The following HHAT variants were observed in gnomAD, a reference collection of about 807,000 sequenced individuals.
HHAT encodes the protein protein-cysteine N-palmitoyltransferase HHAT.
A neutral mutation model predicts 70.8 loss-of-function variants in HHAT; 47 were observed. That is an observed-to-expected ratio of 0.66 (90% CI 0.53 to 0.85). The LOEUF (loss-of-function observed/expected upper bound fraction) is 0.85. Ranked by LOEUF, HHAT falls within the 40% of genes least tolerant of loss-of-function variation. HHAT has a pLI of 0.00. For missense variants in HHAT, 609 were observed against 604.8 expected, an observed-to-expected ratio of 1.01 and a Z score of -0.07; for synonymous variants, 228 against 247.6, an observed-to-expected ratio of 0.92 and a Z score of 0.74.
chr1:210,442,912 A>G (rs934198896), intron 7 of HHAT, among the ~76,000 whole-genome samples: 63 of 152,022 alleles, frequency 4.1e-4, no homozygotes, highest in African/African-American at 1.4e-3. Context: ...TGTTTTAGAC[A>G]TGAAGTCCTT....
At chr1:210,665,088 A>G (rs1489698276) in intron 11 of HHAT, among the ~76,000 whole-genome samples, 1 of 152,184 alleles carries the variant, frequency 6.6e-6, no homozygotes, top group Non-Finnish European at 1.5e-5. Context: ...TATCAGTTTC[A>G]TATTGGTCTT....
chr1:210,328,802 A>G, upstream of HHAT: 1 of 371,580 alleles, frequency 2.7e-6, no homozygotes. Context: ...CGGTTCAGAA[A>G]CGCAGGCCGC....
At chr1:210,643,889 A>G (rs1351119635) in intron 11 of HHAT, among the ~76,000 whole-genome samples, 1 of 139,298 alleles carries the variant, frequency 7.2e-6, no homozygotes, top group African/African-American at 2.6e-5. Context: ...AAGAATTAAG[A>G]TGTGATATTT....
intron 1 of HHAT, among the ~76,000 whole-genome samples, chr1:210,335,458 T>C (rs746425294): frequency 1.7e-4 from 26 of 152,104 alleles, no homozygotes; most frequent in Non-Finnish European, 3.4e-4. Flanking sequence ...TCTTCAAAAA[T>C]AGGTGATAAG....
intron 10 of HHAT, among the ~76,000 whole-genome samples, chr1:210,620,429 G>A (rs1326555811): frequency 8.5e-5 from 13 of 152,176 alleles, no homozygotes; most frequent in Admixed American, 8.5e-4. Flanking sequence ...CCCCTTTGCT[G>A]TTAGTTATTA....
intron 7 of HHAT, among the ~76,000 whole-genome samples, chr1:210,448,653 A>G (rs562877490): frequency 1.3e-5 from 2 of 152,306 alleles, no homozygotes; most frequent in East Asian, 3.9e-4. Flanking sequence ...TTCTCATCCC[A>G]GCTTTCATGA....
chr1:210,561,081 T>A (rs1178417817), intron 9 of HHAT, among the ~76,000 whole-genome samples: 1 of 152,106 alleles, frequency 6.6e-6, no homozygotes, highest in Non-Finnish European at 1.5e-5. Flanking sequence ...ACAGAATCCT[T>A]TGCCCCGTTC....
intron 9 of HHAT, among the ~76,000 whole-genome samples, chr1:210,569,814 C>T (rs115249410): frequency 6.6e-6 from 1 of 152,274 alleles, no homozygotes; most frequent in African/African-American, 2.4e-5. Flanking sequence ...TAGCTCCAGG[C>T]TGCATTTATT....
intron 9 of HHAT, among the ~76,000 whole-genome samples, chr1:210,548,660 G>A (rs2095503869): frequency 6.6e-6 from 1 of 152,176 alleles, no homozygotes; most frequent in African/African-American, 2.4e-5. Context: ...TTCATAATTT[G>A]ATTAGAACTT....
intron 11 of HHAT, among the ~76,000 whole-genome samples, chr1:210,629,600 G>T (rs1028165618): frequency 2.0e-5 from 3 of 152,198 alleles, no homozygotes; most frequent in Admixed American, 2.0e-4. Context: ...CAGTCTCACT[G>T]GGCTAAAGTC....
At chr1:210,344,859 C>G (rs1474435423) in intron 1 of HHAT, among the ~76,000 whole-genome samples, 1 of 151,754 alleles carries the variant, frequency 6.6e-6, no homozygotes, top group Non-Finnish European at 1.5e-5. Flanking sequence ...GTTGCCAGCC[C>G]GTTCACAAGA....
At chr1:210,334,580 A>G (rs567276355) in intron 1 of HHAT, among the ~76,000 whole-genome samples, 1 of 152,224 alleles carries the variant, frequency 6.6e-6, no homozygotes, top group Admixed American at 6.5e-5. Flanking sequence ...TGTTTATATA[A>G]TCTACCTGCC....
intron 10 of HHAT, among the ~76,000 whole-genome samples, chr1:210,599,809 C>T (rs1421153762): frequency 6.6e-6 from 1 of 152,100 alleles, no homozygotes; most frequent in Non-Finnish European, 1.5e-5. Context: ...CTTTTAAATC[C>T]TATAGTGACT....
chr1:210,624,695 C>T (rs145042484), intron 11 of HHAT, among the ~76,000 whole-genome samples: 56 of 152,272 alleles, frequency 3.7e-4, no homozygotes, highest in African/African-American at 1.3e-3. Context: ...AATAATTGAT[C>T]GTTGTTTATT....
chr1:210,332,661 C>A (rs947035200), intron 1 of HHAT, among the ~76,000 whole-genome samples: 1 of 152,132 alleles, frequency 6.6e-6, no homozygotes, highest in Non-Finnish European at 1.5e-5. Flanking sequence ...TGAAAAACTC[C>A]GAAGCCTTGT....
intron 9 of HHAT, among the ~76,000 whole-genome samples, chr1:210,544,592 C>T (rs1294377393): frequency 2.0e-5 from 3 of 151,956 alleles, no homozygotes; most frequent in African/African-American, 7.3e-5. Context: ...TGGCTGGTCT[C>T]GAACTCCTGA....
chr1:210,630,706 C>A (rs1191232844), intron 11 of HHAT, among the ~76,000 whole-genome samples: 1 of 152,176 alleles, frequency 6.6e-6, no homozygotes, highest in Non-Finnish European at 1.5e-5. Context: ...AAGCAACATG[C>A]GACCCAGGAC....
At chr1:210,667,723 A>G (rs1679219372) in intron 11 of HHAT, among the ~76,000 whole-genome samples, 1 of 152,154 alleles carries the variant, frequency 6.6e-6, no homozygotes, top group Non-Finnish European at 1.5e-5. Context: ...AACCCCCGAT[A>G]TGCTTTTTGT....
At chr1:210,633,817 C>A (rs1433581366) in intron 11 of HHAT, among the ~76,000 whole-genome samples, 2 of 152,130 alleles carry the variant, frequency 1.3e-5, no homozygotes, top group Non-Finnish European at 2.9e-5. Context: ...GCCTTTGTCC[C>A]CTGGGCGCTT....
Sources: gnomAD v4.1 joint callset for allele counts (sites outside exome capture counted in the v4.1 genomes callset) on GRCh38, gnomAD v4.1.1 for gene constraint, MANE v1.5 for transcripts, NCBI Gene and HGNC (gene_info 2026-07-23, HGNC 2026-07-21) for gene names.